The following TMEM108 variants were observed in gnomAD, a reference collection of about 807,000 sequenced individuals.
TMEM108 encodes transmembrane protein 108.
Under a neutral mutation model 35.1 loss-of-function variants are expected in TMEM108, and 12 were observed. The observed-to-expected ratio is 0.34, with a 90% CI of 0.22 to 0.55. The LOEUF (loss-of-function observed/expected upper bound fraction) is 0.55. Among genes scored for constraint, TMEM108 ranks in the 20% least tolerant of loss-of-function variants. TMEM108 has a pLI of 0.89. For missense variants in TMEM108, 680 were observed against 753.3 expected, an observed-to-expected ratio of 0.90 and a Z score of 1.14; for synonymous variants, 287 against 308.6, an observed-to-expected ratio of 0.93 and a Z score of 0.73.
intron 3 of TMEM108, among the ~76,000 whole-genome samples, chr3:133,257,914 G>T (rs1946570219): frequency 6.6e-6 from 1 of 152,180 alleles, no homozygotes; most frequent in Non-Finnish European, 1.5e-5. Context: ...TTTTGCTAAA[G>T]GAGGGGTTGC....
At chr3:133,388,923 C>T in intron 4 of TMEM108, 2 of 985,630 alleles carry the variant, frequency 2.0e-6, no homozygotes, top group Admixed American at 1.2e-4. Context: ...ACCCCCGGTG[C>T]TGGCCTCTCT....
At position 133,272,514 on chromosome 3, in the gene TMEM108, C is replaced by T. The variant is rs151255989; in HGVS notation, c.40+43163C>T. ...GATGCTAAAGGACTGCCCAAAGTCA[C>T]GCAGCTAACCACGGGCAGAGCCAAG... is the stretch of plus-strand genomic sequence containing the variant. On this transcript the variant is annotated intron_variant, in intron 3 of 5. Coordinates refer to ENST00000321871, the MANE Select transcript of TMEM108 (RefSeq NM_023943.4). Among the ~76,000 whole-genome samples the T allele has an allele frequency of 2.6e-3, 398 of 152,144 alleles. 1 individual carries two copies. Among genetic ancestry groups the T allele is most frequent in the African/African-American group, 9.0e-3 (373 of 41,482 alleles).
intron 4 of TMEM108, among the ~76,000 whole-genome samples, chr3:133,383,875 A>G (rs1244195489): frequency 6.6e-6 from 1 of 152,140 alleles, no homozygotes; most frequent in Non-Finnish European, 1.5e-5. Flanking sequence ...CGTTTCCACT[A>G]TACACAAGGA....
At chr3:133,122,322 G>A (rs1944362290) in intron 2 of TMEM108, among the ~76,000 whole-genome samples, 1 of 152,094 alleles carries the variant, frequency 6.6e-6, no homozygotes, top group South Asian at 2.1e-4. Flanking sequence ...AGGTACTAAT[G>A]TCTAACACAT....
At chr3:133,290,766 G>A (rs1257200096) in intron 3 of TMEM108, among the ~76,000 whole-genome samples, 1 of 152,166 alleles carries the variant, frequency 6.6e-6, no homozygotes, top group African/African-American at 2.4e-5. Flanking sequence ...AAAATGGCGT[G>A]TAACTTTTTT....
At chr3:133,339,082 C>A (rs1381359903) in intron 3 of TMEM108, among the ~76,000 whole-genome samples, 1 of 151,458 alleles carries the variant, frequency 6.6e-6, no homozygotes, top group African/African-American at 2.4e-5. Context: ...GGGCAAATAA[C>A]AAAATGACAT....
chr3:133,071,684 G>A (rs1287348243), intron 2 of TMEM108, among the ~76,000 whole-genome samples: 2 of 152,060 alleles, frequency 1.3e-5, no homozygotes, highest in Admixed American at 6.5e-5. Context: ...TTAAAAAATT[G>A]TGTTGACTTT....
chr3:133,097,631 A>G (rs1426090993), intron 2 of TMEM108, among the ~76,000 whole-genome samples: 1 of 152,202 alleles, frequency 6.6e-6, no homozygotes, highest in Non-Finnish European at 1.5e-5. Flanking sequence ...TGTTATATTG[A>G]CTACTACCTA....
At chr3:133,060,914 A>T (rs73003654) in intron 2 of TMEM108, among the ~76,000 whole-genome samples, 2,792 of 152,360 alleles carry the variant, frequency 0.018, 97 homozygotes, top group African/African-American at 0.063. Context: ...TTATTAGGAA[A>T]CTAAATACTT....
chr3:133,339,893 C>T (rs1316677144), intron 3 of TMEM108, among the ~76,000 whole-genome samples: 1 of 151,630 alleles, frequency 6.6e-6, no homozygotes, highest in South Asian at 2.1e-4. Context: ...TGAAAATTTT[C>T]TTGAAACAAA....
At chr3:133,301,611 TAAC>T (rs1366299897) in intron 3 of TMEM108, among the ~76,000 whole-genome samples, 3 of 152,162 alleles carry the variant, frequency 2.0e-5, no homozygotes, top group Non-Finnish European at 2.9e-5. Flanking sequence ...GGGGGATTCT[TAAC>T]AATGCATATT....
intron 3 of TMEM108, among the ~76,000 whole-genome samples, chr3:133,354,847 T>A (rs2072113670): frequency 6.6e-6 from 1 of 151,590 alleles, no homozygotes; most frequent in Admixed American, 6.6e-5. Context: ...CTTTTTCCTT[T>A]ACACATTCCT....
chr3:133,388,192 C>T lies in TMEM108; in HGVS notation c.1451-1988C>T, dbSNP rs73211819. The T allele has an allele frequency of 8.8e-3, 8,701 of 985,452 alleles. 36 individuals are homozygous for T. The highest frequency in any genetic ancestry group is 9.7e-3 in the Non-Finnish European group (8,063 of 829,946). The allele number at this position is 985,452 out of a possible 1,614,324, so 61.0% of individuals were successfully genotyped here. On this transcript the variant is annotated intron_variant, in intron 4 of 5. Transcript: ENST00000321871. ...ATGGTTCCCTCTTTATGGCTTCTGT[C>T]ACACCAGCTAGAACTCCTCCAGGTG...
At chr3:133,090,607 C>T (rs1943935829) in intron 2 of TMEM108, among the ~76,000 whole-genome samples, 1 of 152,196 alleles carries the variant, frequency 6.6e-6, no homozygotes, top group South Asian at 2.1e-4. Flanking sequence ...CTACCATTCT[C>T]TTAAGAATTA....
chr3:133,368,299 G>A (rs1216879248), intron 3 of TMEM108, among the ~76,000 whole-genome samples: 1 of 152,226 alleles, frequency 6.6e-6, no homozygotes, highest in Non-Finnish European at 1.5e-5. Context: ...ATTTCCTGCT[G>A]CTGTCATCAC....
At chr3:133,250,602 A>G (rs762881624) in intron 3 of TMEM108, among the ~76,000 whole-genome samples, 2 of 152,096 alleles carry the variant, frequency 1.3e-5, no homozygotes, top group Non-Finnish European at 2.9e-5. Flanking sequence ...TCAAGGGTCA[A>G]CTCTATTCTT....
At chr3:133,391,310 T>TTGAGA (rs2073231288) in intron 5 of TMEM108, among the ~76,000 whole-genome samples, 1 of 152,082 alleles carries the variant, frequency 6.6e-6, no homozygotes, top group South Asian at 2.1e-4. Context: ...TAGGATGCAA[T>TTGAGA]TGAGATGGCC....
intron 2 of TMEM108, among the ~76,000 whole-genome samples, chr3:133,214,373 A>G (rs1945876084): frequency 6.6e-6 from 1 of 152,102 alleles, no homozygotes; most frequent in South Asian, 2.1e-4. Flanking sequence ...GATGTTAGTC[A>G]CTTCTGTCCT....
intron 1 of TMEM108, among the ~76,000 whole-genome samples, chr3:133,044,409 T>C (rs1943310752): frequency 6.6e-6 from 1 of 152,220 alleles, no homozygotes; most frequent in South Asian, 2.1e-4. Context: ...TCCTAAAAAA[T>C]GCTGCCTAAT....
Sources: gnomAD v4.1 joint callset for allele counts (sites outside exome capture counted in the v4.1 genomes callset) on GRCh38, gnomAD v4.1.1 for gene constraint, MANE v1.5 for transcripts, NCBI Gene and HGNC (gene_info 2026-07-23, HGNC 2026-07-21) for gene names.